EPHX3: variants seen among roughly 807,000 people sequenced by gnomAD.
EPHX3 encodes epoxide hydrolase 3, also known as abhydrolase domain containing 9.
Under a neutral mutation model 40.2 loss-of-function variants are expected in EPHX3, and 39 were observed. The observed-to-expected ratio is 0.97, with a 90% confidence interval of 0.75 to 1.27. The LOEUF is 1.27. Ranked by LOEUF, EPHX3 falls within the 50% of genes most tolerant of loss-of-function variation. EPHX3 has a pLI of 0.00. For missense variants in EPHX3, 442 were observed against 474.0 expected, an observed-to-expected ratio of 0.93 and a Z score of 0.63; for synonymous variants, 213 against 209.7, an observed-to-expected ratio of 1.02 and a Z score of -0.14.
chr19:15,229,885 CAAAAAAAAAAAA>C (rs546876108), intron 4 of EPHX3, among the ~76,000 whole-genome samples: 3 of 9,370 alleles, frequency 3.2e-4, no homozygotes, highest in South Asian at 5.4e-3. Flanking sequence ...GACTCTGTCT[CAAAAAAAAAAAA>C]AAAAAAAAAA....
chr19:15,232,022 G>T lies in EPHX3; in HGVS notation c.190C>A (p.Pro64Thr), dbSNP rs1222118032. Residue 64 changes from proline (P) to threonine (T), a missense_variant, in exon 1 of 7, where the codon CCC (proline) becomes ACC (threonine). Coordinates refer to ENST00000221730, the MANE Select transcript of EPHX3 (RefSeq NM_024794.3). ...AGCGAGGGGTCGCTCAGGCAGGCGG[G>T]GGACGCGCTCCGACGGCGCCCGCAG... ...GCCGRRRSAS[P>T]ACLSDPSLGE... 1.3e-6 allele frequency: 2 copies of T among 1,598,630 alleles called. No homozygotes were observed. The highest frequency in any genetic ancestry group is 2.2e-5 in the East Asian group (1 of 44,618).
chr19:15,227,053 G>C lies in EPHX3; in HGVS notation c.*384C>G. 1 of 255,742 alleles carries C rather than the reference G, an allele frequency of 3.9e-6. No homozygotes were observed. 15.8% of individuals were successfully genotyped at this position (255,742 alleles called of 1,614,324 possible). On this transcript the variant is annotated 3_prime_UTR_variant, in exon 7 of 7. Transcript: ENST00000221730. ...AGACCCAGGCAGGAGGTCGAAGGCA[G>C]GGACAGGAAGGTCAGGGTTTAAGGT...
At chr19:15,234,803 T>TAG (rs1251583294), upstream of EPHX3, among the ~76,000 whole-genome samples, 2 of 152,336 alleles carry the variant, frequency 1.3e-5, no homozygotes, top group Middle Eastern at 3.4e-3. Flanking sequence ...CCTGGGACCA[T>TAG]AACTAAGTCC....
rs560473668 is a variant in EPHX3, at chr19:15,227,674, ACAGACAGACAGG to A, written c.858-24_858-13del. 59 of 1,612,038 alleles carry A rather than the reference ACAGACAGACAGG, an allele frequency of 3.7e-5. No homozygotes were observed. The highest frequency in any genetic ancestry group is 6.7e-5 in the African/African-American group (5 of 74,864). ...CCAGGGGGAAGTTCCTGTGGCCAGG[ACAGACAGACAGG>A]CAGACAGACAGGCAGAAGGATGGTT... is the stretch of plus-strand genomic sequence containing the variant. On this transcript the variant is annotated splice_polypyrimidine_tract_variant and intron_variant, in intron 6 of 6. Coordinates refer to ENST00000221730, the MANE Select transcript of EPHX3 (RefSeq NM_024794.3).
intron 4 of EPHX3, among the ~76,000 whole-genome samples, chr19:15,229,842 A>G (rs1489744678): frequency 6.6e-5 from 9 of 137,160 alleles, no homozygotes; most frequent in Non-Finnish European, 1.2e-4. Context: ...AACTGAGATC[A>G]CGCCACTGCA....
Position 15,231,764 on chromosome 19 carries a change from C to A in EPHX3, c.329+12G>T, listed in dbSNP as rs202012486. On this transcript the variant is annotated intron_variant, in intron 2 of 6. Coordinates refer to ENST00000221730, the MANE Select transcript of EPHX3 (RefSeq NM_024794.3). ...AGTCCCGTGGGCCTCAGGCCCCTGG[C>A]CCCAGACGTACCAGTTCTCAGGGAA... The A allele has an allele frequency of 7.4e-6, 12 of 1,613,608 alleles. No individual in the cohort carries two copies. In the African/African-American group the frequency reaches 1.5e-4, roughly 20 times the overall value.
chr19:15,229,885 C>CAAAAAAAAA (rs546876108), intron 4 of EPHX3, among the ~76,000 whole-genome samples: 624 of 9,356 alleles, frequency 0.067, 162 homozygotes, highest in Middle Eastern at 0.25. Flanking sequence ...GACTCTGTCT[C>CAAAAAAAAA]AAAAAAAAAA....
intron 2 of EPHX3, 121 bp downstream of exon 2, chr19:15,231,655 C>G: frequency 1.8e-6 from 2 of 1,123,364 alleles, no homozygotes; most frequent in South Asian, 1.3e-5. Context: ...GCTCAGTACC[C>G]CTATCCCCAT....
chr19:15,227,720 C>A lies in EPHX3; in HGVS notation c.857+51G>T, dbSNP rs370283350. 7.5e-6 allele frequency: 12 copies of A among 1,606,550 alleles called. No homozygotes were observed. In the Admixed American group the frequency reaches 1.5e-4, roughly 20 times the overall value. On this transcript the variant is annotated intron_variant, in intron 6 of 6. Transcript: ENST00000221730. The stretch of plus-strand genomic sequence containing the variant: ...CAGGCAGAAGGATGGTTGCCTCCCA[C>A]CCCCCTGCCCCTGCAAATCTCCTGA...
upstream of EPHX3, among the ~76,000 whole-genome samples, chr19:15,234,773 G>A (rs539955037): frequency 1.3e-5 from 2 of 152,060 alleles, no homozygotes; most frequent in Non-Finnish European, 2.9e-5. Context: ...TACTGTCAAG[G>A]CTGCTAAACA....
At chr19:15,235,000 TTTTG>T (rs1305218557), upstream of EPHX3, among the ~76,000 whole-genome samples, 8 of 152,220 alleles carry the variant, frequency 5.3e-5, no homozygotes, top group East Asian at 1.9e-4. Context: ...TTGGGGGTTT[TTTTG>T]TTTTTGTTTT....
intron 4 of EPHX3, among the ~76,000 whole-genome samples, chr19:15,228,728 C>G (rs554805950): frequency 7.0e-4 from 106 of 151,622 alleles, no homozygotes; most frequent in African/African-American, 2.5e-3. Flanking sequence ...ACAGTGTTAG[C>G]CAGGATGGTC....
chr19:15,231,700 C>T, intron 2 of EPHX3, 76 bp downstream of exon 2: 3 of 1,459,652 alleles, frequency 2.1e-6, no homozygotes, highest in Non-Finnish European at 1.9e-6. Context: ...TACAGCCCTC[C>T]TCCCTGCCTC....
chr19:15,231,707 C>T, intron 2 of EPHX3, 69 bp downstream of exon 2: 1 of 1,506,242 alleles, frequency 6.6e-7, no homozygotes, highest in South Asian at 1.1e-5. Context: ...CTCCTCCCTG[C>T]CTCTTGGGAG....
At chr19:15,229,558 C>T (rs991872971) in intron 4 of EPHX3, among the ~76,000 whole-genome samples, 2 of 148,910 alleles carry the variant, frequency 1.3e-5, no homozygotes, top group Non-Finnish European at 1.5e-5. Context: ...GCCGACATTG[C>T]GCCACTGCAC....
In EPHX3 at chr19:15,227,046, G is replaced by A. The variant is rs773928122; in HGVS notation, c.*391C>T. ...GAGCTGAAGACCCAGGCAGGAGGTCGAAGGCAGGGACAGGAAGGTCAGGGT... is the reference window on the plus strand; with the variant it reads ...GAGCTGAAGACCCAGGCAGGAGGTCAAAGGCAGGGACAGGAAGGTCAGGGT... On this transcript the variant is annotated 3_prime_UTR_variant, in exon 7 of 7. Coordinates refer to ENST00000221730, the MANE Select transcript of EPHX3 (RefSeq NM_024794.3). 11 of 246,028 alleles carry A rather than the reference G, an allele frequency of 4.5e-5. No homozygotes were observed. Among genetic ancestry groups the A allele is most frequent in the Non-Finnish European group, 7.9e-5 (10 of 126,348 alleles). The allele number at this position is 246,028 out of a possible 1,614,324, so 15.2% of individuals were successfully genotyped here.
At chr19:15,229,712 G>T (rs1345042817) in intron 4 of EPHX3, among the ~76,000 whole-genome samples, 3 of 150,488 alleles carry the variant, frequency 2.0e-5, no homozygotes, top group African/African-American at 7.3e-5. Context: ...GGCCAACATG[G>T]TGAAACCCCG....
upstream of EPHX3, chr19:15,236,666 CTA>C (rs774774641): frequency 1.3e-4 from 21 of 164,338 alleles, no homozygotes; most frequent in Admixed American, 6.5e-5. Context: ...GGGGTGGTTG[CTA>C]TGAGTCTGCG....
chr19:15,231,863 T>C lies in EPHX3; in HGVS notation c.244-2A>G. On this transcript the variant is annotated splice_acceptor_variant, in intron 1 of 6. Coordinates refer to ENST00000221730, the MANE Select transcript of EPHX3 (RefSeq NM_024794.3). LOFTEE classifies it high-confidence loss of function. The stretch of plus-strand genomic sequence containing the variant: ...ATAGTGCAGACGCAGGCCCGAGCTC[T>C]AGGGGGAGGGCACAGCCTGAAGCCT... 1.2e-6 allele frequency: 2 copies of C among 1,613,622 alleles called. No homozygotes were observed. The highest frequency in any genetic ancestry group is 8.5e-7 in the Non-Finnish European group (1 of 1,179,986).
Sources: gnomAD v4.1 joint callset for allele counts (sites outside exome capture counted in the v4.1 genomes callset) on GRCh38, gnomAD v4.1.1 for gene constraint, MANE v1.5 for transcripts, NCBI Gene and HGNC (gene_info 2026-07-23, HGNC 2026-07-21) for gene names.